Variants in TECPR2 observed in about 807,000 individuals in gnomAD.
TECPR2 encodes the protein tectonin beta-propeller repeat containing 2.
A neutral mutation model predicts 138.1 loss-of-function variants in TECPR2; 65 were observed. The observed-to-expected ratio is 0.47, with a 90% CI of 0.39 to 0.58. TECPR2 has a LOEUF of 0.58. TECPR2 is among the 20% of genes least tolerant of loss of function. The pLI, the probability that TECPR2 is intolerant of heterozygous loss-of-function variation, is 0.00. For missense variants in TECPR2, 1,553 were observed against 1,824.5 expected (o/e 0.85, Z 2.71); for synonymous variants, 746 against 749.8 (o/e 0.99, Z 0.08).
intron 19 of TECPR2, 147 bp from the exon 20 acceptor site, chr14:102,497,956 G>C (rs760520705): frequency 1.3e-4 from 159 of 1,183,922 alleles, no homozygotes; most frequent in Non-Finnish European, 1.8e-4. Context: ...CTGAGGGTAC[G>C]AAGTTCACAT....
At chr14:102,461,867 C>T (rs1161609987) in intron 16 of TECPR2, among the ~76,000 whole-genome samples, 1 of 152,094 alleles carries the variant, frequency 6.6e-6, no homozygotes, top group Non-Finnish European at 1.5e-5. Context: ...TCTGCCACCG[C>T]GTTCACCACA....
Position 102,498,737 on chromosome 14 carries a change from G to C in TECPR2, c.*480G>C, listed in dbSNP as rs1891361560. 4.4e-6 allele frequency: 2 copies of C among 454,084 alleles called. No individual in the cohort carries two copies. Among genetic ancestry groups the C allele is most frequent in the Admixed American group, 5.2e-5 (2 of 38,828 alleles). The allele number at this position is 454,084 out of a possible 1,614,324, so 28.1% of individuals were successfully genotyped here. ...TGATGGCTTTGTCCCATCATAGGGG[G>C]GTGTCCCCCCAGAGACAAAGCTGCA... On this transcript the variant is annotated 3_prime_UTR_variant, in exon 20 of 20. Transcript: ENST00000359520.
chr14:102,476,206 C>CAAAAAA (rs58293049), intron 17 of TECPR2, among the ~76,000 whole-genome samples: 57 of 59,552 alleles, frequency 9.6e-4, no homozygotes, highest in Admixed American at 1.8e-3. Flanking sequence ...GACTCTGTCT[C>CAAAAAA]AAAAAAAAAA....
In TECPR2 at chr14:102,498,407, G is replaced by A. The variant is rs1280494005; in HGVS notation, c.*150G>A. ...CGCACACTTACTTTCATCTATGTTG[G>A]TTTCTGTCTCGTTCCAGAACCCACA... is the stretch of plus-strand genomic sequence containing the variant. On this transcript the variant is annotated 3_prime_UTR_variant, in exon 20 of 20. Coordinates refer to ENST00000359520, the MANE Select transcript of TECPR2 (RefSeq NM_014844.5). The A allele has an allele frequency of 3.8e-6, 4 of 1,049,512 alleles. No homozygotes were observed. Among genetic ancestry groups the A allele is most frequent in the Non-Finnish European group, 5.4e-6 (4 of 747,008 alleles). The allele number at this position is 1,049,512 out of a possible 1,614,324, so 65.0% of individuals were successfully genotyped here.
intron 16 of TECPR2, among the ~76,000 whole-genome samples, chr14:102,454,158 G>GAA (rs1226116175): frequency 9.3e-6 from 1 of 107,000 alleles, no homozygotes. Context: ...TGTCTCAAAA[G>GAA]AAAAAAAAAA....
intron 4 of TECPR2, among the ~76,000 whole-genome samples, chr14:102,409,735 A>G (rs986514162): frequency 6.6e-6 from 1 of 152,180 alleles, no homozygotes; most frequent in Non-Finnish European, 1.5e-5. Flanking sequence ...GAGGACCCCA[A>G]AGCATTTTTG....
intron 15 of TECPR2, among the ~76,000 whole-genome samples, chr14:102,451,065 C>A (rs1338015857): frequency 6.6e-6 from 1 of 152,212 alleles, no homozygotes; most frequent in Non-Finnish European, 1.5e-5. Context: ...AACCTAAGTC[C>A]GACATTTGCA....
chr14:102,462,269 A>G (rs934577354), intron 16 of TECPR2, among the ~76,000 whole-genome samples: 1 of 152,156 alleles, frequency 6.6e-6, no homozygotes, highest in African/African-American at 2.4e-5. Context: ...TTTCTCAGCT[A>G]TTTCTAGAGT....
chr14:102,387,921 T>G (rs545023839), intron 2 of TECPR2, among the ~76,000 whole-genome samples: 5 of 152,312 alleles, frequency 3.3e-5, no homozygotes, highest in Non-Finnish European at 7.4e-5. Context: ...CACACCATAC[T>G]GACATGTCTG....
Position 102,434,817 on chromosome 14 carries a change from C to T in TECPR2, c.2000C>T (p.Thr667Ile). The T allele has an allele frequency of 6.2e-7, 1 of 1,613,350 alleles. No individual in the cohort carries two copies. Among genetic ancestry groups the T allele is most frequent in the Non-Finnish European group, 8.5e-7 (1 of 1,180,024 alleles). ...APSAEQWLPGTRADEGSPVEP... is the reference protein window; with the variant it reads ...APSAEQWLPGIRADEGSPVEP... The stretch of plus-strand genomic sequence containing the variant: ...AGTGCTGAACAGTGGCTGCCTGGGA[C>T]CAGAGCTGATGAAGGCAGCCCCGTG... The change falls in exon 9 of 20, where the codon ACC becomes ATC. Residue 667 changes from threonine to isoleucine, a missense_variant. By Grantham distance (89) the Thr-to-Ile change is moderately conservative. Coordinates refer to ENST00000359520, the MANE Select transcript of TECPR2 (RefSeq NM_014844.5).
Position 102,408,551 on chromosome 14 carries a change from A to C in TECPR2, c.412A>C (p.Asn138His). Reference protein sequence around the residue: ...NSITALAWSPNGMKLFSGDDK... With the variant: ...NSITALAWSPHGMKLFSGDDK... ...CATTACAGCTCTGGCTTGGAGCCCC[A>C]ATGGAATGAAATTGTTCTCTGGAGA... Residue 138 changes from asparagine to histidine, a missense_variant, in exon 4 of 20, where the codon AAT (asparagine) becomes CAT (histidine). Coordinates refer to ENST00000359520, the MANE Select transcript of TECPR2 (RefSeq NM_014844.5). 6.2e-7 allele frequency: 1 copy of C among 1,613,766 alleles called. No homozygotes were observed. Among genetic ancestry groups the C allele is most frequent in the Non-Finnish European group, 8.5e-7 (1 of 1,179,920 alleles).
rs539768008 is a variant in TECPR2, at chr14:102,476,615, G to A, written c.3789+11326G>A. Among the ~76,000 whole-genome samples, 9 of 152,184 alleles carry A rather than the reference G, an allele frequency of 5.9e-5. No homozygotes were observed. The South Asian group carries it at 1.5e-3, about 25-fold the overall frequency. On this transcript the variant is annotated intron_variant, in intron 17 of 19. Transcript: ENST00000359520. ...CACAGACCCCTTCAAGTGGCCTCACGTAAATGAAATCCAAGTCTTAAGAGG... is the reference window on the plus strand; with the variant it reads ...CACAGACCCCTTCAAGTGGCCTCACATAAATGAAATCCAAGTCTTAAGAGG...
intron 10 of TECPR2, 62 bp downstream of exon 10, chr14:102,438,267 C>T (rs183991915): frequency 1.6e-4 from 251 of 1,538,452 alleles, no homozygotes; most frequent in South Asian, 2.4e-4. Flanking sequence ...GCTCCCCGCC[C>T]CCGGGGTGCA....
Position 102,425,564 on chromosome 14 carries a change from TTTGTTG to T in TECPR2, c.951+298_951+303del, listed in dbSNP as rs35980535. ...TAAACACAAAATTAAACTTGTTCTT[TTTGTTG>T]TTGTTGTTGTTGTTGTTGTTGTTGA... On this transcript the variant is annotated intron_variant, in intron 6 of 19. Coordinates refer to ENST00000359520, the MANE Select transcript of TECPR2 (RefSeq NM_014844.5). 3.5e-3 allele frequency among the ~76,000 whole-genome samples: 529 copies of T among 151,798 alleles called. 4 individuals carry two copies. Among genetic ancestry groups the T allele is most frequent in the African/African-American group, 0.012 (488 of 41,396 alleles).
At chr14:102,446,657 C>T (rs995185462) in intron 13 of TECPR2, among the ~76,000 whole-genome samples, 2 of 152,096 alleles carry the variant, frequency 1.3e-5, no homozygotes, top group African/African-American at 4.8e-5. Flanking sequence ...TCCCAAAGTG[C>T]TGGGATTACA....
chr14:102,494,592 C>G (rs1465152503), intron 17 of TECPR2, among the ~76,000 whole-genome samples: 1 of 151,438 alleles, frequency 6.6e-6, no homozygotes, highest in Non-Finnish European at 1.5e-5. Context: ...TTTTGGGAGG[C>G]CGAGGTGGGC....
At position 102,408,522 on chromosome 14, in the gene TECPR2, A is replaced by G. The variant is rs1888727661; in HGVS notation, c.383A>G (p.Asn128Ser). The G allele has an allele frequency of 1.2e-6, 2 of 1,610,540 alleles. No homozygotes were observed. The highest frequency in any genetic ancestry group is 1.7e-6 in the Non-Finnish European group (2 of 1,179,196). ...RRFDVTGIHKNSITALAWSPN... is the reference protein window; with the variant it reads ...RRFDVTGIHKSSITALAWSPN... ...TTTGATGTCACTGGTATTCACAAAA[A>G]TAGCATTACAGCTCTGGCTTGGAGC... The change falls in exon 4 of 20, where the codon AAT becomes AGT. Residue 128 changes from asparagine to serine, a missense_variant. By Grantham distance (46) the Asn-to-Ser change is conservative. Coordinates refer to ENST00000359520, the MANE Select transcript of TECPR2 (RefSeq NM_014844.5).
intron 2 of TECPR2, among the ~76,000 whole-genome samples, chr14:102,403,229 A>G (rs1196513334): frequency 6.6e-6 from 1 of 152,222 alleles, no homozygotes; most frequent in African/African-American, 2.4e-5. Context: ...GGATGGTTCA[A>G]CATATGAAAG....
chr14:102,477,626 C>G (rs1890794098), intron 17 of TECPR2, among the ~76,000 whole-genome samples: 2 of 145,196 alleles, frequency 1.4e-5, no homozygotes, highest in Admixed American at 1.4e-4. Context: ...TCTCGGCTCA[C>G]TGCAAGCTCC....
Sources: gnomAD v4.1 joint callset for allele counts (sites outside exome capture counted in the v4.1 genomes callset) on GRCh38, gnomAD v4.1.1 for gene constraint, MANE v1.5 for transcripts, NCBI Gene and HGNC (gene_info 2026-07-23, HGNC 2026-07-21) for gene names.